ZMYM6: variants seen among roughly 807,000 people sequenced by gnomAD.
ZMYM6 encodes the protein zinc finger MYM-type protein 6.
Under a neutral mutation model 134.0 loss-of-function variants are expected in ZMYM6, and 90 were observed. The ratio of observed to expected loss-of-function variants is 0.67; its 90% CI spans 0.57 to 0.80. The LOEUF is 0.80. Ranked by LOEUF, ZMYM6 falls within the 30% of genes least tolerant of loss-of-function variation. The pLI, the probability that ZMYM6 is intolerant of heterozygous loss-of-function variation, is 0.00. For synonymous variants in ZMYM6, 481 were observed against 524.1 expected (o/e 0.92, Z 1.12); for missense variants, 1,362 against 1,533.9 (o/e 0.89, Z 1.87).
At chr1:35,025,272 A>T (rs999131816) in intron 2 of ZMYM6, among the ~76,000 whole-genome samples, 2 of 150,198 alleles carry the variant, frequency 1.3e-5, no homozygotes, top group African/African-American at 4.9e-5. Flanking sequence ...GTTCGAGACC[A>T]GCCGGCCAAC....
At chr1:34,993,655 C>T (rs1640724991) in intron 14 of ZMYM6, among the ~76,000 whole-genome samples, 1 of 151,948 alleles carries the variant, frequency 6.6e-6, no homozygotes, top group Admixed American at 6.6e-5. Context: ...TACTATTCTG[C>T]CTATCATAAT....
intron 15 of ZMYM6, among the ~76,000 whole-genome samples, chr1:34,991,410 C>T (rs151053038): frequency 0.01 from 1,549 of 152,220 alleles, 29 homozygotes; most frequent in African/African-American, 0.035. Flanking sequence ...TACATAAAAA[C>T]TTACTACTTG....
intron 2 of ZMYM6, 71 bp from the exon 3 acceptor site, chr1:35,020,538 A>C: frequency 1.0e-6 from 1 of 997,614 alleles, no homozygotes; most frequent in Non-Finnish European, 1.4e-6. Flanking sequence ...AAATTCAAGC[A>C]AAAAAAAATT....
At chr1:35,004,149 G>T (rs1041434781) in intron 13 of ZMYM6, 144 bp from the exon 14 acceptor site, 4 of 661,914 alleles carry the variant, frequency 6.0e-6, no homozygotes, top group East Asian at 2.9e-5. Context: ...AACTGCATCA[G>T]TATCACCCAG....
At chr1:35,025,637 CTT>C (rs1641399913) in intron 2 of ZMYM6, among the ~76,000 whole-genome samples, 1 of 152,162 alleles carries the variant, frequency 6.6e-6, no homozygotes, top group East Asian at 1.9e-4. Context: ...ATTCTCATAA[CTT>C]TTCTCTCCAT....
intron 15 of ZMYM6, among the ~76,000 whole-genome samples, chr1:34,991,566 T>A (rs1468481451): frequency 2.6e-5 from 4 of 151,988 alleles, no homozygotes; most frequent in African/African-American, 9.7e-5. Flanking sequence ...GGTCAGGAGT[T>A]CAAAACCAGC....
chr1:35,021,252 T>C (rs1374861764), intron 2 of ZMYM6, among the ~76,000 whole-genome samples: 2 of 150,928 alleles, frequency 1.3e-5, no homozygotes, highest in African/African-American at 4.9e-5. Context: ...GCGATTCTCC[T>C]GCCTCAGCCT....
chr1:34,986,562 T>C lies in ZMYM6; in HGVS notation c.*542A>G, dbSNP rs951734662. On this transcript the variant is annotated 3_prime_UTR_variant, in exon 16 of 16. Coordinates refer to ENST00000357182, the MANE Select transcript of ZMYM6 (RefSeq NM_007167.4). ...CCCGTCTCTACTAAAAAAAATACAA[T>C]AGACGGGCATGGTGGCACATGCCTG... 1 of 152,058 alleles carries C rather than the reference T, an allele frequency of 6.6e-6. No homozygotes were observed. The highest frequency in any genetic ancestry group is 2.4e-5 in the African/African-American group (1 of 41,374). 9.4% of individuals were successfully genotyped at this position (152,058 alleles called of 1,614,324 possible). A position where few individuals can be genotyped will look rare whatever the true frequency, so the allele number is the denominator to read the frequency against.
chr1:34,988,778 ACACTGTG>A lies in ZMYM6; in HGVS notation c.2297_2303del (p.Pro766LeufsTer13). On this transcript the variant is annotated frameshift_variant, in exon 16 of 16. Coordinates refer to ENST00000357182, the MANE Select transcript of ZMYM6 (RefSeq NM_007167.4). LOFTEE classifies it high-confidence loss of function. The stretch of plus-strand genomic sequence containing the variant: ...TGGATAAGATCTCTCCACAAATGAC[ACACTGTG>A]GCCTTGGTGAACTTTCTTTTGATCC... The A allele has an allele frequency of 1.3e-6, 2 of 1,551,740 alleles. No homozygotes were observed. Among genetic ancestry groups the A allele is most frequent in the South Asian group, 2.4e-5 (2 of 83,958 alleles).
At chr1:35,003,224 A>G (rs1457657653) in intron 14 of ZMYM6, among the ~76,000 whole-genome samples, 2 of 151,524 alleles carry the variant, frequency 1.3e-5, no homozygotes, top group Non-Finnish European at 2.9e-5. Flanking sequence ...CATCAAAAAC[A>G]TTAACCCAAG....
intron 6 of ZMYM6, chr1:35,013,635 T>C (rs964501336): frequency 3.1e-5 from 31 of 985,392 alleles, no homozygotes; most frequent in Non-Finnish European, 3.6e-5. Context: ...AAATCAAACT[T>C]GCTAACTGAA....
Position 35,005,148 on chromosome 1 carries a change from A to G in ZMYM6, c.1938T>C (p.Thr646=), listed in dbSNP as rs986193649. The G allele has an allele frequency of 6.2e-7, 1 of 1,614,148 alleles. No individual in the cohort carries two copies. Among genetic ancestry groups the G allele is most frequent in the Non-Finnish European group, 8.5e-7 (1 of 1,179,996 alleles). Residue 646 remains threonine, a synonymous_variant, in exon 13 of 16, where the codon ACT becomes ACC. Coordinates refer to ENST00000357182, the MANE Select transcript of ZMYM6 (RefSeq NM_007167.4). The part of the protein sequence containing the change: ...KIPATLSTGN[T]NSVLKGAVTK... ...AAGTCATACCTTTTAAAACACTGTTAGTGTTCCCTGTAGATAAGGTAGCAG... is the reference window on the plus strand; with the variant it reads ...AAGTCATACCTTTTAAAACACTGTTGGTGTTCCCTGTAGATAAGGTAGCAG...
intron 4 of ZMYM6, chr1:35,017,419 G>A (rs983854631): frequency 3.3e-5 from 5 of 152,184 alleles, no homozygotes; most frequent in African/African-American, 1.2e-4. Context: ...AGGTGAATCT[G>A]CCAGTGGCAT....
intron 2 of ZMYM6, among the ~76,000 whole-genome samples, chr1:35,027,320 G>C (rs1557590861): frequency 6.6e-6 from 1 of 152,140 alleles, no homozygotes; most frequent in South Asian, 2.1e-4. Flanking sequence ...TCACACTGGA[G>C]GAAACAGGGT....
chr1:35,007,202 G>T, intron 11 of ZMYM6, 104 bp from the exon 12 acceptor site: 1 of 1,128,046 alleles, frequency 8.9e-7, no homozygotes, highest in Non-Finnish European at 1.2e-6. Flanking sequence ...ATATGAGTCA[G>T]TTGAGACTAC....
intron 14 of ZMYM6, among the ~76,000 whole-genome samples, chr1:35,002,488 T>C (rs900581136): frequency 6.6e-5 from 10 of 152,220 alleles, no homozygotes; most frequent in African/African-American, 1.7e-4. Context: ...TGCCTTAGCA[T>C]AGATGATAGA....
intron 4 of ZMYM6, chr1:35,017,830 G>T (rs1034102344): frequency 6.6e-6 from 1 of 152,094 alleles, no homozygotes; most frequent in Non-Finnish European, 1.5e-5. Context: ...ACTGACGGGG[G>T]TGACTACTTT....
At position 34,987,621 on chromosome 1, in the gene ZMYM6, C is replaced by T; in HGVS notation, c.3461G>A (p.Trp1154Ter). The change falls in exon 16 of 16, where the codon TGG becomes TAG. Residue 1154 changes from tryptophan (W) to a stop codon, truncating the protein, a stop_gained. Coordinates refer to ENST00000357182, the MANE Select transcript of ZMYM6 (RefSeq NM_007167.4). LOFTEE classifies it high-confidence loss of function. The part of the protein sequence containing the change: ...IDVFKRKLKM[W>*]LKRTQENDYD... ...ATCATTCTCTTGTGTGCGCTTCAAC[C>T]ACATTTTTAACTTTCTCTTAAATAC... is the stretch of plus-strand genomic sequence containing the variant. 6.2e-7 allele frequency: 1 copy of T among 1,600,248 alleles called. No homozygotes were observed. Among genetic ancestry groups the T allele is most frequent in the East Asian group, 2.3e-5 (1 of 44,120 alleles).
rs534956186 is a variant in ZMYM6 at position 35,019,041 on chromosome 1, A to G, written c.428+312T>C. 1.0e-5 allele frequency: 5 copies of G among 502,474 alleles called. No individual in the cohort carries two copies. The East Asian group carries it at 1.6e-4, about 16-fold the overall frequency. 31.1% of individuals were successfully genotyped at this position (502,474 alleles called of 1,614,324 possible). On this transcript the variant is annotated intron_variant, in intron 4 of 15. Transcript: ENST00000357182. ...TATGCTATACCCAATAGCTTTCAAG[A>G]TAACTGTTAAATAAATTTAAATGGT...
Sources: allele counts gnomAD v4.1 joint callset (sites outside exome capture counted in the v4.1 genomes callset), GRCh38; gene constraint gnomAD v4.1.1; transcripts MANE v1.5; gene names NCBI Gene and HGNC (gene_info 2026-07-23, HGNC 2026-07-21).